FAM3D: variants seen among roughly 807,000 people sequenced by gnomAD.
FAM3D encodes protein FAM3D.
In FAM3D, 26 loss-of-function variants were observed where a neutral mutation model predicts 29.8. The ratio of observed to expected loss-of-function variants is 0.87; its 90% confidence interval spans 0.64 to 1.21. The LOEUF (loss-of-function observed/expected upper bound fraction) is 1.21, where lower values mean the gene tolerates loss of function less well. Among genes scored for constraint, FAM3D ranks in the 50% most tolerant of loss-of-function variants. The pLI is 0.00. For missense variants in FAM3D, 253 were observed against 290.9 expected (o/e 0.87, Z 0.95); for synonymous variants, 115 against 102.3 (o/e 1.12, Z -0.75).
rs1302088946 is a variant in FAM3D, at chr3:58,634,491, A to G, written c.586-123T>C. 2.6e-6 allele frequency: 2 copies of G among 783,220 alleles called. No individual in the cohort carries two copies. Among genetic ancestry groups the G allele is most frequent in the Non-Finnish European group, 2.0e-6 (1 of 496,720 alleles). The allele number at this position is 783,220 out of a possible 1,614,324, so 48.5% of individuals were successfully genotyped here. ...GGGATGTTATTAACCCACTTCACAGATGGGGAAACTGAGGCTCAGAGAGGG... is the reference window on the plus strand; with the variant it reads ...GGGATGTTATTAACCCACTTCACAGGTGGGGAAACTGAGGCTCAGAGAGGG... On this transcript the variant is annotated intron_variant, in intron 9 of 9. Coordinates refer to ENST00000358781, the MANE Select transcript of FAM3D (RefSeq NM_138805.3). This position sits in a 1 kb window ranked among gnomAD's most constrained non-coding sequence, Gnocchi z 4.6.
intron 3 of FAM3D, among the ~76,000 whole-genome samples, chr3:58,651,126 T>C (rs12490887): frequency 0.63 from 95,958 of 152,058 alleles, 31,406 homozygotes; most frequent in South Asian, 0.77. Context: ...CATGAACTCC[T>C]CTCAGAATAA....
At chr3:58,661,475 C>G (rs1437452674) in intron 1 of FAM3D, among the ~76,000 whole-genome samples, 4 of 152,228 alleles carry the variant, frequency 2.6e-5, no homozygotes, top group Non-Finnish European at 5.9e-5. Context: ...TCCCATTCAC[C>G]TGACAGATCA....
chr3:58,643,123 A>T (rs1329685619), intron 6 of FAM3D, among the ~76,000 whole-genome samples: 2 of 152,148 alleles, frequency 1.3e-5, no homozygotes, highest in Non-Finnish European at 2.9e-5. Context: ...CAGCTCCCAT[A>T]GCTGTGCTTC....
chr3:58,655,685 A>G, intron 1 of FAM3D, 84 bp from the exon 2 acceptor site: 1 of 1,103,020 alleles, frequency 9.1e-7, no homozygotes, highest in Admixed American at 2.5e-5. Flanking sequence ...GGGACCTCTA[A>G]CTGTGGAGAT....
chr3:58,646,712 C>A (rs1299062397), intron 4 of FAM3D, among the ~76,000 whole-genome samples: 2 of 152,218 alleles, frequency 1.3e-5, no homozygotes, highest in African/African-American at 4.8e-5. Flanking sequence ...TGCTTTGGAG[C>A]AAAGCTGCAG....
intron 8 of FAM3D, 126 bp downstream of exon 8, chr3:58,637,014 CT>C (rs767329127): frequency 3.3e-4 from 251 of 761,846 alleles, no homozygotes; most frequent in Non-Finnish European, 5.1e-4. Flanking sequence ...GCATACTTGT[CT>C]GATAATTTCC....
chr3:58,644,116 C>T (rs1231637647), intron 5 of FAM3D, among the ~76,000 whole-genome samples: 1 of 152,320 alleles, frequency 6.6e-6, no homozygotes. Flanking sequence ...GGCATCCACA[C>T]CCTTGTCTCT....
At chr3:58,657,856 G>C (rs1256556760) in intron 1 of FAM3D, 1 of 152,236 alleles carries the variant, frequency 6.6e-6, no homozygotes, top group African/African-American at 2.4e-5. Context: ...ACCCAAAAGA[G>C]TGTGTTTTCT....
intron 1 of FAM3D, among the ~76,000 whole-genome samples, chr3:58,660,318 C>T (rs1370302403): frequency 6.6e-6 from 1 of 152,170 alleles, no homozygotes; most frequent in Non-Finnish European, 1.5e-5. Flanking sequence ...GACCCAGTTG[C>T]CCCTTGCTAT....
intron 1 of FAM3D, among the ~76,000 whole-genome samples, chr3:58,656,444 G>A (rs904917894): frequency 6.6e-6 from 1 of 152,080 alleles, no homozygotes; most frequent in Non-Finnish European, 1.5e-5. Context: ...CTCAGAGGAG[G>A]GTTGAAACCA....
rs1171343813 is a variant in FAM3D, at chr3:58,652,948, C to T, written c.121+726G>A. Among the ~76,000 whole-genome samples, 4 of 146,528 alleles carry T rather than the reference C, an allele frequency of 2.7e-5. No homozygotes were observed. In the Admixed American group the frequency reaches 2.9e-4, roughly 11 times the overall value. On this transcript the variant is annotated intron_variant, in intron 3 of 9. Coordinates refer to ENST00000358781, the MANE Select transcript of FAM3D (RefSeq NM_138805.3). ...CTCATCCTTCCAACTACCCATCCAT[C>T]CACCCACCCATTTATCCATCCATCC...
Position 58,634,053 on chromosome 3 carries a change from C to G in FAM3D, c.*226G>C. Reference sequence around the variant, plus strand: ...TGACGAAAGCACCCCATTCTCTCCACAGACAGCTGGTTCCAGAAGGACCCT... The same window carrying G: ...TGACGAAAGCACCCCATTCTCTCCAGAGACAGCTGGTTCCAGAAGGACCCT... On this transcript the variant is annotated 3_prime_UTR_variant, in exon 10 of 10. Transcript: ENST00000358781. The surrounding 1 kb of genome is among the most constrained non-coding windows in gnomAD (Gnocchi z 4.6). 1 of 505,530 alleles carries G rather than the reference C, an allele frequency of 2.0e-6. No homozygotes were observed. The highest frequency in any genetic ancestry group is 3.5e-6 in the Non-Finnish European group (1 of 286,790). 31.3% of individuals were successfully genotyped at this position (505,530 alleles called of 1,614,324 possible). A position where few individuals can be genotyped will look rare whatever the true frequency, so the allele number is the denominator to read the frequency against.
chr3:58,634,312 C>T lies in FAM3D; in HGVS notation c.642G>A (p.Glu214=), dbSNP rs747546214. 1 of 1,614,098 alleles carries T rather than the reference C, an allele frequency of 6.2e-7. No homozygotes were observed. The highest frequency in any genetic ancestry group is 8.5e-7 in the Non-Finnish European group (1 of 1,180,018). The change falls in exon 10 of 10, where the codon GAG becomes GAA. Residue 214 remains glutamate (E), a synonymous_variant. Coordinates refer to ENST00000358781, the MANE Select transcript of FAM3D (RefSeq NM_138805.3). The surrounding 1 kb of genome is among the most constrained non-coding windows in gnomAD (Gnocchi z 4.6). ...GCTTCGGGGGCATGCAGCCCTCCAT[C>T]TCCAGCAGCTCTGGCCATCCCTCGT... ...NKYEGWPELL[E]MEGCMPPKPF
intron 1 of FAM3D, among the ~76,000 whole-genome samples, chr3:58,663,862 G>GCTCCCAA (rs1220049828): frequency 2.0e-5 from 3 of 152,176 alleles, no homozygotes; most frequent in Non-Finnish European, 4.4e-5. Context: ...CCAGCTCCCA[G>GCTCCCAA]CTCCATGCCT....
At chr3:58,636,198 T>G in intron 9 of FAM3D, 96 bp downstream of exon 9, 1 of 1,503,100 alleles carries the variant, frequency 6.7e-7, no homozygotes, top group Non-Finnish European at 8.9e-7. Flanking sequence ...TCCTCCCAAT[T>G]TTAAGGCCCC....
At chr3:58,637,279 T>C (rs1318811356) in intron 7 of FAM3D, 54 bp from the exon 8 acceptor site, 2 of 1,493,198 alleles carry the variant, frequency 1.3e-6, no homozygotes, top group Middle Eastern at 2.2e-4. Flanking sequence ...GCCCTGGTCA[T>C]TCTCATGCTT....
intron 7 of FAM3D, among the ~76,000 whole-genome samples, chr3:58,638,904 C>A (rs2066249035): frequency 6.6e-6 from 1 of 152,136 alleles, no homozygotes; most frequent in African/African-American, 2.4e-5. Flanking sequence ...GTGTTGTTAG[C>A]AGATATTACG....
At chr3:58,649,225 G>T in intron 4 of FAM3D, 90 bp downstream of exon 4, 2 of 1,482,346 alleles carry the variant, frequency 1.3e-6, no homozygotes, top group Non-Finnish European at 1.8e-6. Context: ...GCTCAGAGCA[G>T]GGGCCCTGGG....
At chr3:58,659,567 C>A (rs2066893234) in intron 1 of FAM3D, among the ~76,000 whole-genome samples, 1 of 152,210 alleles carries the variant, frequency 6.6e-6, no homozygotes, top group Non-Finnish European at 1.5e-5. Flanking sequence ...TGAATCTCTC[C>A]GTGAAAGCAC....
Sources: gnomAD v4.1 joint callset for allele counts (sites outside exome capture counted in the v4.1 genomes callset) on GRCh38, gnomAD v4.1.1 for gene constraint, Gnocchi (gnomAD v3.1) non-coding constraint, MANE v1.5 for transcripts, NCBI Gene and HGNC (gene_info 2026-07-23, HGNC 2026-07-21) for gene names.